Variants in RABGAP1L observed in about 807,000 individuals in gnomAD.
RABGAP1L encodes RAB GTPase activating protein 1 like, also known as rab GTPase-activating protein 1-like.
RABGAP1L carries 63 observed loss-of-function variants against 137.7 expected under a neutral mutation model. That is an observed-to-expected ratio of 0.46 (90% CI 0.37 to 0.56). RABGAP1L has a LOEUF of 0.56. RABGAP1L is among the 20% of genes least tolerant of loss of function. The pLI, the probability that RABGAP1L is intolerant of heterozygous loss-of-function variation, is 0.00. For missense variants in RABGAP1L, 1,095 were observed against 1,244.0 expected (o/e 0.88, Z 1.80); for synonymous variants, 431 against 433.7 (o/e 0.99, Z 0.08).
chr1:174,958,442 T>C (rs189249628), intron 20 of RABGAP1L, among the ~76,000 whole-genome samples: 1 of 152,322 alleles, frequency 6.6e-6, no homozygotes, highest in Admixed American at 6.5e-5. Flanking sequence ...CTCACACAGA[T>C]ACGTAACAGC....
chr1:174,508,306 TAC>T (rs1662018647), intron 13 of RABGAP1L, among the ~76,000 whole-genome samples: 2 of 152,300 alleles, frequency 1.3e-5, no homozygotes, highest in East Asian at 3.9e-4. Flanking sequence ...TGTGGTTTTA[TAC>T]AGTCTTCAGT....
At chr1:174,821,521 C>T (rs916245417) in intron 19 of RABGAP1L, among the ~76,000 whole-genome samples, 3 of 152,124 alleles carry the variant, frequency 2.0e-5, no homozygotes, top group Non-Finnish European at 4.4e-5. Context: ...TGGTAGATTC[C>T]TTTATCTAGA....
At chr1:174,453,199 C>T (rs541785463) in intron 13 of RABGAP1L, among the ~76,000 whole-genome samples, 153 of 152,188 alleles carry the variant, frequency 1.0e-3, no homozygotes, top group Middle Eastern at 3.4e-3. Flanking sequence ...ATTTTATTCT[C>T]GTTAGGGAAG....
chr1:174,671,335 A>G (rs1395249435), intron 14 of RABGAP1L, among the ~76,000 whole-genome samples: 1 of 152,146 alleles, frequency 6.6e-6, no homozygotes, highest in Non-Finnish European at 1.5e-5. Flanking sequence ...TTCTTTTGCC[A>G]AATTTCTCTG....
At chr1:174,749,355 G>A (rs1444277371) in intron 17 of RABGAP1L, among the ~76,000 whole-genome samples, 1 of 151,344 alleles carries the variant, frequency 6.6e-6, no homozygotes, top group Non-Finnish European at 1.5e-5. Context: ...TTTTGAGACA[G>A]GGTCTCGCTG....
intron 19 of RABGAP1L, among the ~76,000 whole-genome samples, chr1:174,925,657 G>T (rs1386800123): frequency 6.6e-6 from 1 of 151,968 alleles, no homozygotes; most frequent in Admixed American, 6.5e-5. Flanking sequence ...AGGAGGAAAA[G>T]AAGAATTGTT....
chr1:174,555,268 C>T (rs569824412), intron 13 of RABGAP1L, among the ~76,000 whole-genome samples: 1 of 152,298 alleles, frequency 6.6e-6, no homozygotes, highest in South Asian at 2.1e-4. Flanking sequence ...TCAGCTGTTA[C>T]TCATCACTGC....
At chr1:174,318,344 C>G (rs1341757264) in intron 11 of RABGAP1L, among the ~76,000 whole-genome samples, 1 of 152,128 alleles carries the variant, frequency 6.6e-6, no homozygotes, top group East Asian at 1.9e-4. Context: ...TAACTTTTCT[C>G]TTCACTACAT....
chr1:174,758,299 C>A (rs1249310602), intron 18 of RABGAP1L, among the ~76,000 whole-genome samples: 1 of 151,980 alleles, frequency 6.6e-6, no homozygotes, highest in African/African-American at 2.4e-5. Flanking sequence ...CCTTTTTCCC[C>A]CTAGCCATTA....
chr1:174,729,928 TAAAAC>T (rs1682321527), intron 17 of RABGAP1L, among the ~76,000 whole-genome samples: 1 of 152,214 alleles, frequency 6.6e-6, no homozygotes, highest in Non-Finnish European at 1.5e-5. Flanking sequence ...TCAAAGAACT[TAAAAC>T]AGAACTACCA....
intron 10 of RABGAP1L, among the ~76,000 whole-genome samples, chr1:174,286,353 A>G (rs1246567955): frequency 6.6e-6 from 1 of 152,128 alleles, no homozygotes; most frequent in Admixed American, 6.6e-5. Flanking sequence ...TTGTTGCCAT[A>G]TAGTTGTTCA....
At chr1:174,790,563 G>A (rs950548614) in intron 18 of RABGAP1L, among the ~76,000 whole-genome samples, 1 of 151,400 alleles carries the variant, frequency 6.6e-6, no homozygotes, top group Non-Finnish European at 1.5e-5. Context: ...GAACCCAGGA[G>A]GCAGAGGTTG....
chr1:174,315,451 C>T (rs994159136), intron 11 of RABGAP1L, among the ~76,000 whole-genome samples: 1 of 152,036 alleles, frequency 6.6e-6, no homozygotes, highest in Non-Finnish European at 1.5e-5. Flanking sequence ...TTCATTTAGC[C>T]AGTCTGTGTC....
chr1:174,231,061 C>A, intron 3 of RABGAP1L, 84 bp from the exon 4 acceptor site: 2 of 965,444 alleles, frequency 2.1e-6, no homozygotes, highest in South Asian at 1.6e-5. Context: ...TGAAATATTT[C>A]ATTTCTTTTT....
At chr1:174,599,447 G>C (rs1247571659) in intron 13 of RABGAP1L, among the ~76,000 whole-genome samples, 2 of 152,196 alleles carry the variant, frequency 1.3e-5, no homozygotes, top group African/African-American at 4.8e-5. Flanking sequence ...TGGACCTCCA[G>C]ATGATTTCTT....
chr1:174,207,052 T>G (rs1291182670), intron 1 of RABGAP1L, among the ~76,000 whole-genome samples: 1 of 152,188 alleles, frequency 6.6e-6, no homozygotes, highest in Non-Finnish European at 1.5e-5. Flanking sequence ...TACCAGATTT[T>G]CTATAATGCT....
At position 174,501,218 on chromosome 1, in the gene RABGAP1L, T is replaced by C. The variant is rs58213401; in HGVS notation, c.1710+107073T>C. Among the ~76,000 whole-genome samples the C allele has an allele frequency of 9.0e-4, 133 of 147,224 alleles. 2 individuals are homozygous for C. In the East Asian group the frequency reaches 0.025, roughly 28 times the overall value. ...TTGATTTTCTCACTTTGTTTACTCT[T>C]TTTTTTTTTTTTTGAGATGGAGTCT... On this transcript the variant is annotated intron_variant, in intron 13 of 25. Coordinates refer to ENST00000681986, the MANE Select transcript of RABGAP1L (RefSeq NM_001366446.1).
chr1:174,645,346 G>A (rs1283305277), intron 14 of RABGAP1L, among the ~76,000 whole-genome samples: 4 of 152,100 alleles, frequency 2.6e-5, no homozygotes, highest in Admixed American at 2.6e-4. Flanking sequence ...CAATCAACGT[G>A]TCATCTACAT....
chr1:174,896,496 A>G (rs979992744), intron 19 of RABGAP1L, among the ~76,000 whole-genome samples: 6 of 152,132 alleles, frequency 3.9e-5, no homozygotes, highest in Admixed American at 2.6e-4. Flanking sequence ...TTGGTGTTTT[A>G]GACATGAAGT....
Sources: gnomAD v4.1 joint callset for allele counts (sites outside exome capture counted in the v4.1 genomes callset) on GRCh38, gnomAD v4.1.1 for gene constraint, MANE v1.5 for transcripts, NCBI Gene and HGNC (gene_info 2026-07-23, HGNC 2026-07-21) for gene names.